PPFIA2: variants seen among roughly 807,000 people sequenced by gnomAD.
The protein encoded by PPFIA2 is PPFI scaffold protein A2.
A neutral mutation model predicts 175.5 loss-of-function variants in PPFIA2; 46 were observed. That is an observed-to-expected ratio of 0.26 (90% CI 0.21 to 0.34). The LOEUF is 0.34. PPFIA2 is among the 10% of genes least tolerant of loss of function. PPFIA2 has a pLI of 1.00. For synonymous variants in PPFIA2, 568 were observed against 511.4 expected (o/e 1.11, Z -1.49); for missense variants, 1,179 against 1,506.1 (o/e 0.78, Z 3.60).
intron 4 of PPFIA2, among the ~76,000 whole-genome samples, chr12:81,643,639 T>C (rs1170511022): frequency 6.6e-6 from 1 of 152,030 alleles, no homozygotes; most frequent in Non-Finnish European, 1.5e-5. Context: ...AGATGGTTTC[T>C]TATCAGACTG....
chr12:81,422,266 G>T (rs1386706286), intron 7 of PPFIA2, among the ~76,000 whole-genome samples: 1 of 151,618 alleles, frequency 6.6e-6, no homozygotes, highest in Non-Finnish European at 1.5e-5. Context: ...AAGACTAGTA[G>T]AATTGTGTCT....
chr12:81,403,671 C>G (rs1234311816), intron 8 of PPFIA2, among the ~76,000 whole-genome samples: 1 of 152,114 alleles, frequency 6.6e-6, no homozygotes, highest in East Asian at 1.9e-4. Context: ...CAGCATTTAA[C>G]TGGTATAGGA....
chr12:81,269,982 T>C (rs1267565250), intron 28 of PPFIA2, among the ~76,000 whole-genome samples: 3 of 152,144 alleles, frequency 2.0e-5, no homozygotes, highest in Admixed American at 1.3e-4. Flanking sequence ...CACTGCTTGG[T>C]TGATGAGTGG....
At chr12:81,704,385 T>G (rs1347088140) in intron 3 of PPFIA2, among the ~76,000 whole-genome samples, 1 of 152,082 alleles carries the variant, frequency 6.6e-6, no homozygotes, top group African/African-American at 2.4e-5. Flanking sequence ...AATAAAATGG[T>G]CACTGATTTT....
intron 3 of PPFIA2, among the ~76,000 whole-genome samples, chr12:81,703,153 T>C (rs115421463): frequency 0.015 from 2,320 of 152,272 alleles, 39 homozygotes; most frequent in South Asian, 0.042. Flanking sequence ...CATAACCTTA[T>C]TAAAGGCTAC....
intron 4 of PPFIA2, among the ~76,000 whole-genome samples, chr12:81,660,769 A>G (rs1224041342): frequency 2.6e-5 from 4 of 152,208 alleles, no homozygotes; most frequent in African/African-American, 9.7e-5. Context: ...GTTGAAATGA[A>G]AGAAAAAATG....
chr12:81,705,471 AAAAGAAAAG>A (rs1567937030), intron 3 of PPFIA2, among the ~76,000 whole-genome samples: 2 of 150,402 alleles, frequency 1.3e-5, no homozygotes, highest in Non-Finnish European at 3.0e-5. Flanking sequence ...AAAAAAAAAA[AAAAGAAAAG>A]AAAAGAAAAG....
intron 3 of PPFIA2, among the ~76,000 whole-genome samples, chr12:81,739,086 A>G (rs539450023): frequency 6.6e-6 from 1 of 152,138 alleles, no homozygotes; most frequent in African/African-American, 2.4e-5. Context: ...GCCTCAAAAT[A>G]TATGCTAAAA....
chr12:81,353,077 G>A lies in PPFIA2; in HGVS notation c.1994+42C>T, dbSNP rs575722558. Reference sequence around the variant, plus strand: ...ATTACATTTTTAGTACAGTATCAAGGTCTTCTAATTTCTTGAAATCATCAG... The same window carrying A: ...ATTACATTTTTAGTACAGTATCAAGATCTTCTAATTTCTTGAAATCATCAG... On this transcript the variant is annotated intron_variant, in intron 17 of 32. Coordinates refer to ENST00000549396, the MANE Select transcript of PPFIA2 (RefSeq NM_003625.5). 1.2e-5 allele frequency: 18 copies of A among 1,540,942 alleles called. No homozygotes were observed. In the African/African-American group the frequency reaches 1.6e-4, roughly 14 times the overall value.
At chr12:81,482,588 G>A (rs2058366834) in intron 4 of PPFIA2, among the ~76,000 whole-genome samples, 1 of 152,080 alleles carries the variant, frequency 6.6e-6, no homozygotes, top group Non-Finnish European at 1.5e-5. Context: ...TCCTTTGCAG[G>A]GACATGGATG....
intron 4 of PPFIA2, among the ~76,000 whole-genome samples, chr12:81,527,675 C>T (rs974627908): frequency 6.6e-6 from 1 of 152,044 alleles, no homozygotes; most frequent in African/African-American, 2.4e-5. Flanking sequence ...TTCTGATGGA[C>T]TGAATTCTTA....
chr12:81,360,669 T>G (rs961066267), intron 15 of PPFIA2, among the ~76,000 whole-genome samples: 2 of 151,750 alleles, frequency 1.3e-5, no homozygotes, highest in African/African-American at 4.8e-5. Flanking sequence ...TGAGTTCTCA[T>G]GCACCTCCTA....
intron 7 of PPFIA2, among the ~76,000 whole-genome samples, chr12:81,424,076 A>G (rs753835613): frequency 6.6e-6 from 1 of 152,114 alleles, no homozygotes; most frequent in Non-Finnish European, 1.5e-5. Context: ...ATATCTGTGC[A>G]TTCTAGGGAA....
At chr12:81,423,866 T>C (rs978441559) in intron 7 of PPFIA2, among the ~76,000 whole-genome samples, 9 of 152,252 alleles carry the variant, frequency 5.9e-5, no homozygotes, top group Middle Eastern at 3.4e-3. Flanking sequence ...TTATAACTAA[T>C]ATCTATTTTA....
chr12:81,676,029 A>G (rs547206757), intron 4 of PPFIA2, among the ~76,000 whole-genome samples: 6 of 152,196 alleles, frequency 3.9e-5, no homozygotes, highest in Non-Finnish European at 7.4e-5. Flanking sequence ...TACTTCACCT[A>G]CATGCCTATG....
At chr12:81,633,789 T>C (rs2063674140) in intron 4 of PPFIA2, among the ~76,000 whole-genome samples, 1 of 152,032 alleles carries the variant, frequency 6.6e-6, no homozygotes, top group African/African-American at 2.4e-5. Context: ...CATAATTCCT[T>C]ATTAGGATGG....
At chr12:81,541,881 T>C (rs1052043444) in intron 4 of PPFIA2, among the ~76,000 whole-genome samples, 2 of 152,044 alleles carry the variant, frequency 1.3e-5, no homozygotes, top group Non-Finnish European at 1.5e-5. Context: ...GCTTCTCATA[T>C]TGGAGTTGGA....
chr12:81,681,219 A>G (rs2153576150), intron 3 of PPFIA2, among the ~76,000 whole-genome samples: 1 of 152,158 alleles, frequency 6.6e-6, no homozygotes, highest in African/African-American at 2.4e-5. Context: ...ATAAACTAGT[A>G]TGTATTAATT....
At chr12:81,266,037 ATC>A (rs1174361952) in intron 30 of PPFIA2, among the ~76,000 whole-genome samples, 1 of 152,234 alleles carries the variant, frequency 6.6e-6, no homozygotes, top group Non-Finnish European at 1.5e-5. Flanking sequence ...TGTAGAACTT[ATC>A]TCTCTATAAT....
Sources: gnomAD v4.1 joint callset for allele counts (sites outside exome capture counted in the v4.1 genomes callset) on GRCh38, gnomAD v4.1.1 for gene constraint, MANE v1.5 for transcripts, NCBI Gene and HGNC (gene_info 2026-07-23, HGNC 2026-07-21) for gene names.